ZFPM2: variants seen among roughly 807,000 people sequenced by gnomAD.
The protein encoded by ZFPM2 is zinc finger protein, FOG family member 2, also known as zinc finger protein ZFPM2.
ZFPM2 carries 20 observed loss-of-function variants against 98.6 expected under a neutral mutation model. The ratio of observed to expected loss-of-function variants is 0.20; its 90% CI spans 0.14 to 0.29. The LOEUF (loss-of-function observed/expected upper bound fraction) is 0.29. Ranked by LOEUF, ZFPM2 falls within the 10% of genes least tolerant of loss-of-function variation. ZFPM2 has a pLI of 1.00. For synonymous variants in ZFPM2, 518 were observed against 502.7 expected, an observed-to-expected ratio of 1.03 and a Z score of -0.41; for missense variants, 1,310 against 1,388.6, an observed-to-expected ratio of 0.94 and a Z score of 0.90.
At position 105,368,990 on chromosome 8, in the gene ZFPM2, T is replaced by G. The variant is rs550372293; in HGVS notation, c.40+50009T>G. On this transcript the variant is annotated intron_variant, in intron 1 of 7. Coordinates refer to ENST00000407775, the MANE Select transcript of ZFPM2 (RefSeq NM_012082.4). Reference sequence around the variant, plus strand: ...TGATTTACAAAGTACTTCTCAACATTAACTTTGTAATGAAGGAGCTTTATT... The same window carrying G: ...TGATTTACAAAGTACTTCTCAACATGAACTTTGTAATGAAGGAGCTTTATT... 2.0e-5 allele frequency among the ~76,000 whole-genome samples: 3 copies of G among 152,282 alleles called. No homozygotes were observed. In the East Asian group the frequency reaches 5.8e-4, roughly 29 times the overall value.
At chr8:105,578,425 G>A (rs1815515403) in intron 4 of ZFPM2, among the ~76,000 whole-genome samples, 1 of 151,872 alleles carries the variant, frequency 6.6e-6, no homozygotes, top group East Asian at 1.9e-4. Context: ...AGTTTCTCCA[G>A]TTTTACTCCA....
At chr8:105,502,360 G>A (rs1223627941) in intron 3 of ZFPM2, among the ~76,000 whole-genome samples, 6 of 152,066 alleles carry the variant, frequency 3.9e-5, no homozygotes, top group African/African-American at 1.4e-4. Flanking sequence ...AGAAATTGAA[G>A]ATAAGCATGC....
intron 1 of ZFPM2, among the ~76,000 whole-genome samples, chr8:105,407,936 G>C (rs938545055): frequency 6.6e-6 from 1 of 151,902 alleles, no homozygotes; most frequent in Non-Finnish European, 1.5e-5. Flanking sequence ...GGCTGGCGCA[G>C]AGTTTATGAT....
intron 3 of ZFPM2, among the ~76,000 whole-genome samples, chr8:105,535,895 C>A (rs1158781254): frequency 6.6e-6 from 1 of 152,106 alleles, no homozygotes. Flanking sequence ...GGAATTTGAT[C>A]TTACTTTTCA....
chr8:105,659,456 A>G (rs1191357737), intron 5 of ZFPM2, among the ~76,000 whole-genome samples: 2 of 152,214 alleles, frequency 1.3e-5, no homozygotes. Flanking sequence ...CTGGCCAGCC[A>G]AAGCGTCCAC....
At chr8:105,796,139 C>A (rs1813803562) in intron 6 of ZFPM2, among the ~76,000 whole-genome samples, 1 of 152,128 alleles carries the variant, frequency 6.6e-6, no homozygotes, top group Non-Finnish European at 1.5e-5. Context: ...TATTGGATTT[C>A]CTTATGGTAA....
chr8:105,660,599 CTA>C (rs920127692), intron 5 of ZFPM2, among the ~76,000 whole-genome samples: 2 of 152,154 alleles, frequency 1.3e-5, no homozygotes, highest in African/African-American at 4.8e-5. Context: ...ATATGAATAT[CTA>C]TATCTATCTC....
chr8:105,471,870 T>C (rs889305132), intron 3 of ZFPM2, among the ~76,000 whole-genome samples: 24 of 152,292 alleles, frequency 1.6e-4, no homozygotes, highest in African/African-American at 5.5e-4. Context: ...ATGGTCTCCT[T>C]ATCATAAAAA....
chr8:105,349,351 C>T (rs77836905), intron 1 of ZFPM2, among the ~76,000 whole-genome samples: 1,657 of 152,242 alleles, frequency 0.011, 17 homozygotes, highest in African/African-American at 0.031. Context: ...GTTCTGAGGG[C>T]CCGAGTAATG....
At chr8:105,357,674 A>T (rs1404655930) in intron 1 of ZFPM2, among the ~76,000 whole-genome samples, 1 of 152,136 alleles carries the variant, frequency 6.6e-6, no homozygotes, top group Non-Finnish European at 1.5e-5. Context: ...ATATTCCCTT[A>T]AAAAACAATT....
chr8:105,418,296 A>G (rs866500630), intron 1 of ZFPM2, among the ~76,000 whole-genome samples: 12 of 152,114 alleles, frequency 7.9e-5, no homozygotes, highest in African/African-American at 2.7e-4. Context: ...TGCAGTTTCT[A>G]CTTATTAAAA....
At chr8:105,582,801 C>T (rs1815631053) in intron 4 of ZFPM2, among the ~76,000 whole-genome samples, 1 of 152,018 alleles carries the variant, frequency 6.6e-6, no homozygotes, top group Non-Finnish European at 1.5e-5. Flanking sequence ...CCCATGTTGC[C>T]CCAATTGGTT....
intron 3 of ZFPM2, among the ~76,000 whole-genome samples, chr8:105,491,515 G>A (rs1429755713): frequency 6.6e-6 from 1 of 151,986 alleles, no homozygotes; most frequent in African/African-American, 2.4e-5. Context: ...AGTAAATTCC[G>A]GACTGTGAGA....
chr8:105,664,423 C>A (rs1229993083), intron 5 of ZFPM2, among the ~76,000 whole-genome samples: 1 of 151,498 alleles, frequency 6.6e-6, no homozygotes, highest in Non-Finnish European at 1.5e-5. Flanking sequence ...GCAACCTCTG[C>A]CTCCGGGTTC....
At chr8:105,643,558 A>G (rs1333822830) in intron 5 of ZFPM2, among the ~76,000 whole-genome samples, 4 of 152,152 alleles carry the variant, frequency 2.6e-5, no homozygotes, top group Admixed American at 2.6e-4. Flanking sequence ...TCTGGTCCAC[A>G]ATGAGTACTA....
chr8:105,336,219 G>A (rs1812322642), intron 1 of ZFPM2, among the ~76,000 whole-genome samples: 1 of 151,596 alleles, frequency 6.6e-6, no homozygotes, highest in South Asian at 2.1e-4. Context: ...TATTTAATCC[G>A]TGACTCAGTT....
chr8:105,789,972 AT>A (rs1283676656), intron 6 of ZFPM2, among the ~76,000 whole-genome samples: 1 of 151,718 alleles, frequency 6.6e-6, no homozygotes, highest in Non-Finnish European at 1.5e-5. Flanking sequence ...TTCATTGTAG[AT>A]TCTGGATATT....
chr8:105,780,335 C>T (rs1397610612), intron 5 of ZFPM2: 2 of 152,096 alleles, frequency 1.3e-5, no homozygotes, highest in African/African-American at 4.8e-5. Context: ...CTCTAGTTTG[C>T]GCAATATGAT....
intron 3 of ZFPM2, among the ~76,000 whole-genome samples, chr8:105,505,139 C>T (rs1420146598): frequency 1.3e-5 from 2 of 152,076 alleles, no homozygotes; most frequent in East Asian, 3.9e-4. Flanking sequence ...TTCTCTGAGC[C>T]TTCGATTTTC....
Sources: gnomAD v4.1 joint callset for allele counts (sites outside exome capture counted in the v4.1 genomes callset) on GRCh38, gnomAD v4.1.1 for gene constraint, MANE v1.5 for transcripts, NCBI Gene and HGNC (gene_info 2026-07-23, HGNC 2026-07-21) for gene names.